Variants in ST6GAL1 observed in about 807,000 individuals in gnomAD.
ST6GAL1 encodes ST6 beta-galactoside alpha-2,6-sialyltransferase 1.
Under a neutral mutation model 38.0 loss-of-function variants are expected in ST6GAL1, and 20 were observed. The observed-to-expected ratio is 0.53, with a 90% CI of 0.37 to 0.77. The LOEUF (loss-of-function observed/expected upper bound fraction) is 0.77, where lower values mean the gene tolerates loss of function less well. Ranked by LOEUF, ST6GAL1 falls within the 30% of genes least tolerant of loss-of-function variation. ST6GAL1 has a pLI of 0.00. For missense variants in ST6GAL1, 432 were observed against 496.4 expected (o/e 0.87, Z 1.23); for synonymous variants, 196 against 188.2 (o/e 1.04, Z -0.34).
chr3:187,037,265 A>G (rs1273060330), intron 2 of ST6GAL1, among the ~76,000 whole-genome samples: 1 of 152,168 alleles, frequency 6.6e-6, no homozygotes, highest in Non-Finnish European at 1.5e-5. Flanking sequence ...AAATTCTATA[A>G]ACTAGTTTCT....
chr3:187,074,094 ACTCCT>A, intron 6 of ST6GAL1, 60 bp from the exon 7 acceptor site: 1 of 1,408,162 alleles, frequency 7.1e-7, no homozygotes, highest in Non-Finnish European at 9.5e-7. Flanking sequence ...GATGAAGATG[ACTCCT>A]GGGGGGAGCA....
chr3:187,046,539 A>C (rs1246901870), intron 4 of ST6GAL1, among the ~76,000 whole-genome samples: 1 of 63,136 alleles, frequency 1.6e-5, no homozygotes, highest in Admixed American at 1.8e-4. Flanking sequence ...GGACAAAGAA[A>C]AGAACAGGGA....
At chr3:187,016,710 C>G (rs991697323) in intron 2 of ST6GAL1, among the ~76,000 whole-genome samples, 2 of 152,142 alleles carry the variant, frequency 1.3e-5, no homozygotes, top group African/African-American at 4.8e-5. Flanking sequence ...GTGAAAACCC[C>G]CAGAGAACCA....
At chr3:186,964,916 T>C (rs1247141022) in intron 2 of ST6GAL1, among the ~76,000 whole-genome samples, 1 of 152,102 alleles carries the variant, frequency 6.6e-6, no homozygotes. Flanking sequence ...GTAACATGAG[T>C]TGCGTGAATA....
At chr3:186,975,543 G>A (rs900695312) in intron 2 of ST6GAL1, among the ~76,000 whole-genome samples, 3 of 152,158 alleles carry the variant, frequency 2.0e-5, no homozygotes, top group Non-Finnish European at 2.9e-5. Flanking sequence ...TCTGCCTTTT[G>A]CTGTTCAACC....
chr3:186,934,847 A>G (rs1431505576), intron 1 of ST6GAL1, among the ~76,000 whole-genome samples: 2 of 151,766 alleles, frequency 1.3e-5, no homozygotes, highest in Non-Finnish European at 2.9e-5. Flanking sequence ...GCTCACTGCA[A>G]GCTCCGCCTC....
intron 2 of ST6GAL1, among the ~76,000 whole-genome samples, chr3:187,005,269 C>CTTTTTTTTTTT (rs58085172): frequency 8.7e-5 from 9 of 103,942 alleles, no homozygotes; most frequent in East Asian, 2.9e-4. Context: ...TTTTCTTTTT[C>CTTTTTTTTTTT]TTTTTTTTTT....
At chr3:187,019,173 T>G (rs1158336091) in intron 2 of ST6GAL1, among the ~76,000 whole-genome samples, 1 of 152,176 alleles carries the variant, frequency 6.6e-6, no homozygotes, top group African/African-American at 2.4e-5. Context: ...ATACAAGAGA[T>G]ATGATTTGAT....
intron 1 of ST6GAL1, among the ~76,000 whole-genome samples, chr3:186,944,281 A>G (rs1714280866): frequency 6.6e-6 from 1 of 152,220 alleles, no homozygotes; most frequent in Non-Finnish European, 1.5e-5. Context: ...AGGAACAATC[A>G]CAGCTGGCTG....
chr3:187,074,968 A>G (rs901548951), intron 7 of ST6GAL1, among the ~76,000 whole-genome samples: 3 of 152,210 alleles, frequency 2.0e-5, no homozygotes, highest in African/African-American at 7.2e-5. Flanking sequence ...TATTGGAACA[A>G]TGCTGGCCAG....
At chr3:187,036,565 G>A (rs1281465832) in intron 2 of ST6GAL1, among the ~76,000 whole-genome samples, 1 of 152,184 alleles carries the variant, frequency 6.6e-6, no homozygotes, top group Non-Finnish European at 1.5e-5. Context: ...ATAGTACACA[G>A]CCATGAAAAA....
chr3:186,955,495 T>G (rs1304855674), intron 1 of ST6GAL1, among the ~76,000 whole-genome samples: 1 of 150,400 alleles, frequency 6.6e-6, no homozygotes, highest in Non-Finnish European at 1.5e-5. Context: ...TGTTTGTGTC[T>G]TCTCTTTTTT....
At position 186,945,310 on chromosome 3, in the gene ST6GAL1, T is replaced by TA. The variant is rs879622812; in HGVS notation, c.-325+14494dup. On this transcript the variant is annotated intron_variant, in intron 1 of 7. Coordinates refer to ENST00000169298, the MANE Select transcript of ST6GAL1 (RefSeq NM_173216.2). ...GAAAGAGCAAGACCCTGTCTCTATT[T>TA]AAAAAAAAAAAAAAAAAATTGTTTA... is the stretch of plus-strand genomic sequence containing the variant. Among the ~76,000 whole-genome samples, 507 of 134,268 alleles carry TA rather than the reference T, an allele frequency of 3.8e-3. 1 individual carries two copies. Among genetic ancestry groups the TA allele is most frequent in the East Asian group, 7.9e-3 (37 of 4,694 alleles). The allele number at this position is 134,268 out of a possible 152,430, so 88.1% of individuals were successfully genotyped here. A position where few individuals can be genotyped will look rare whatever the true frequency, so the allele number is the denominator to read the frequency against.
At chr3:187,061,721 A>G (rs1178907923) in intron 5 of ST6GAL1, among the ~76,000 whole-genome samples, 1 of 152,192 alleles carries the variant, frequency 6.6e-6, no homozygotes, top group Non-Finnish European at 1.5e-5. Context: ...AATTAACTCA[A>G]AATGGATCTA....
At chr3:187,009,592 A>C (rs1173647377) in intron 2 of ST6GAL1, among the ~76,000 whole-genome samples, 1 of 152,226 alleles carries the variant, frequency 6.6e-6, no homozygotes, top group African/African-American at 2.4e-5. Flanking sequence ...TCACTGTGCC[A>C]CTGTCCTCCA....
chr3:187,032,789 G>A (rs1717798493), intron 2 of ST6GAL1, among the ~76,000 whole-genome samples: 1 of 152,178 alleles, frequency 6.6e-6, no homozygotes, highest in Non-Finnish European at 1.5e-5. Context: ...AGCCCCAAAT[G>A]TTTTGACACA....
intron 6 of ST6GAL1, chr3:187,073,609 C>T (rs1719459058): frequency 6.5e-6 from 1 of 154,100 alleles, no homozygotes; most frequent in Non-Finnish European, 1.4e-5. Context: ...GCTGTGGCCT[C>T]AGGAGCATGG....
At chr3:186,990,351 A>G (rs2108544857) in intron 2 of ST6GAL1, among the ~76,000 whole-genome samples, 2 of 152,272 alleles carry the variant, frequency 1.3e-5, no homozygotes. Context: ...TCTCATCTCT[A>G]TCTATTGAAT....
At chr3:187,049,469 G>A (rs572017655) in intron 4 of ST6GAL1, among the ~76,000 whole-genome samples, 16 of 152,268 alleles carry the variant, frequency 1.1e-4, no homozygotes, top group African/African-American at 3.6e-4. Context: ...ACCAGGTTGG[G>A]ATATTGACTC....
Sources: gnomAD v4.1 joint callset for allele counts (sites outside exome capture counted in the v4.1 genomes callset) on GRCh38, gnomAD v4.1.1 for gene constraint, MANE v1.5 for transcripts, NCBI Gene and HGNC (gene_info 2026-07-23, HGNC 2026-07-21) for gene names.